The following EPB41L1 variants were observed in gnomAD, a reference collection of about 807,000 sequenced individuals.
EPB41L1 encodes erythrocyte membrane protein band 4.1 like 1.
In EPB41L1, 29 loss-of-function variants were observed where a neutral mutation model predicts 97.8. The ratio of observed to expected loss-of-function variants is 0.30; its 90% CI spans 0.22 to 0.40. The LOEUF (loss-of-function observed/expected upper bound fraction) is 0.40. EPB41L1 is among the 10% of genes least tolerant of loss of function. The pLI is 1.00. For missense variants in EPB41L1, 812 were observed against 1,162.3 expected, an observed-to-expected ratio of 0.70 and a Z score of 4.38; for synonymous variants, 383 against 459.2, an observed-to-expected ratio of 0.83 and a Z score of 2.12.
intron 11 of EPB41L1, among the ~76,000 whole-genome samples, chr20:36,193,545 C>A (rs533004327): frequency 3.4e-4 from 52 of 152,290 alleles, no homozygotes; most frequent in African/African-American, 1.2e-3. Flanking sequence ...ATGCGTGATG[C>A]GAAGTCTAGT....
intron 6 of EPB41L1, 114 bp from the exon 7 acceptor site, chr20:36,185,003 C>A: frequency 9.2e-7 from 1 of 1,081,300 alleles, no homozygotes; most frequent in Non-Finnish European, 1.4e-6. Flanking sequence ...CCAATGTCTA[C>A]AAACACACTT....
chr20:36,119,044 G>A (rs1409731899), intron 2 of EPB41L1, among the ~76,000 whole-genome samples: 1 of 152,226 alleles, frequency 6.6e-6, no homozygotes, highest in African/African-American at 2.4e-5. Context: ...CTATAACTGA[G>A]CTATCCCTGA....
At chr20:36,096,276 T>C (rs1424439678) in intron 1 of EPB41L1, among the ~76,000 whole-genome samples, 1 of 152,126 alleles carries the variant, frequency 6.6e-6, no homozygotes, top group Non-Finnish European at 1.5e-5. Context: ...AGGTAGGAAT[T>C]CTGCTTTCAA....
At position 36,226,693 on chromosome 20, in the gene EPB41L1, A is replaced by G. The variant is rs1180655601; in HGVS notation, c.2638-2639A>G. Among the ~76,000 whole-genome samples, 6 of 152,196 alleles carry G rather than the reference A, an allele frequency of 3.9e-5. No homozygotes were observed. The East Asian group carries it at 1.2e-3, about 29-fold the overall frequency. ...AAAGCTCATTATGACTACTATTACC[A>G]TTAACTTGAAATAGGCTAACAAAAT... On this transcript the variant is annotated intron_variant, in intron 21 of 21. Coordinates refer to ENST00000338074, the MANE Select transcript of EPB41L1 (RefSeq NM_012156.2).
chr20:36,217,236 T>C (rs2063500900), intron 17 of EPB41L1, among the ~76,000 whole-genome samples: 1 of 152,136 alleles, frequency 6.6e-6, no homozygotes, highest in Non-Finnish European at 1.5e-5. Context: ...AGGACACAAC[T>C]GGTTTTAAAG....
At chr20:36,217,703 G>A (rs980460420) in intron 17 of EPB41L1, among the ~76,000 whole-genome samples, 4 of 152,198 alleles carry the variant, frequency 2.6e-5, no homozygotes, top group African/African-American at 7.2e-5. Flanking sequence ...GCCTGCTGCT[G>A]GGCCACATTC....
intron 14 of EPB41L1, among the ~76,000 whole-genome samples, chr20:36,201,376 T>A (rs1186115608): frequency 2.6e-5 from 4 of 152,140 alleles, no homozygotes; most frequent in Non-Finnish European, 5.9e-5. Context: ...GGCTCTGACT[T>A]CCATGCTTAG....
intron 2 of EPB41L1, among the ~76,000 whole-genome samples, chr20:36,140,914 G>A (rs6060817): frequency 0.081 from 12,294 of 152,138 alleles, 676 homozygotes; most frequent in African/African-American, 0.15. Context: ...AGGATGTCTC[G>A]TTGCTAAGAT....
chr20:36,115,914 G>A (rs1035275762), intron 2 of EPB41L1, among the ~76,000 whole-genome samples: 3 of 152,096 alleles, frequency 2.0e-5, no homozygotes, highest in Admixed American at 6.5e-5. Context: ...AATAATAGTT[G>A]CAACAACAAC....
chr20:36,214,655 T>G (rs893003798), intron 17 of EPB41L1, among the ~76,000 whole-genome samples: 1 of 152,178 alleles, frequency 6.6e-6, no homozygotes, highest in Admixed American at 6.5e-5. Context: ...ATGTGGGCGA[T>G]GGAATCCCCA....
Position 36,206,194 on chromosome 20 carries a change from G to A in EPB41L1, c.1669-3294G>A. The A allele has an allele frequency of 7.8e-7, 1 of 1,289,882 alleles. No individual in the cohort carries two copies. The highest frequency in any genetic ancestry group is 1.2e-5 in the South Asian group (1 of 81,034). The allele number at this position is 1,289,882 out of a possible 1,614,324, so 79.9% of individuals were successfully genotyped here. On this transcript the variant is annotated intron_variant, in intron 14 of 21. Coordinates refer to ENST00000338074, the MANE Select transcript of EPB41L1 (RefSeq NM_012156.2). The surrounding 1 kb of genome is among the most constrained non-coding windows in gnomAD (Gnocchi z 5.5). ...CACATTGGCAGAAAAGCTCCTCGAG[G>A]GCTCTGAGCTCAGGGCAGACACCAG... is the stretch of plus-strand genomic sequence containing the variant.
chr20:36,160,851 T>A (rs187297888), intron 1 of EPB41L1, among the ~76,000 whole-genome samples: 17 of 152,340 alleles, frequency 1.1e-4, no homozygotes, highest in Admixed American at 2.6e-4. Flanking sequence ...TTGCAATAGG[T>A]ATGTTATACT....
At chr20:36,105,015 T>C (rs1489207778) in intron 1 of EPB41L1, among the ~76,000 whole-genome samples, 4 of 151,938 alleles carry the variant, frequency 2.6e-5, no homozygotes, top group Non-Finnish European at 4.4e-5. Context: ...GTGAGTGGGA[T>C]GTGAGTGGGC....
chr20:36,144,795 G>A (rs1283932870), intron 2 of EPB41L1, among the ~76,000 whole-genome samples: 5 of 152,166 alleles, frequency 3.3e-5, no homozygotes, highest in South Asian at 4.1e-4. Flanking sequence ...AACATTTATT[G>A]AATACTTACT....
intron 2 of EPB41L1, among the ~76,000 whole-genome samples, chr20:36,124,601 G>A (rs574474608): frequency 5.9e-5 from 9 of 152,128 alleles, no homozygotes; most frequent in African/African-American, 2.2e-4. Flanking sequence ...CCTCTACGTC[G>A]CAGTTTAATT....
intron 1 of EPB41L1, among the ~76,000 whole-genome samples, chr20:36,107,941 T>C (rs1390116019): frequency 1.3e-5 from 2 of 152,102 alleles, no homozygotes; most frequent in Non-Finnish European, 2.9e-5. Context: ...GAAGAGGATG[T>C]ATTAAAAAAT....
rs1490750378 is a variant in EPB41L1, at chr20:36,195,695, GGCCATTCTGT to G, written c.1485+334_1485+343del. 6.6e-6 allele frequency among the ~76,000 whole-genome samples: 1 copy of G among 152,020 alleles called. No individual in the cohort carries two copies. Among genetic ancestry groups the G allele is most frequent in the Non-Finnish European group, 1.5e-5 (1 of 67,986 alleles). ...CCCACCTGCACCACCAGCTCTTCCA[GGCCATTCTGT>G]GCTTTCATTTAGCACATCTCCCCTG... On this transcript the variant is annotated intron_variant, in intron 13 of 21. Coordinates refer to ENST00000338074, the MANE Select transcript of EPB41L1 (RefSeq NM_012156.2). This position sits in a 1 kb window ranked among gnomAD's most constrained non-coding sequence, Gnocchi z 4.6.
intron 2 of EPB41L1, among the ~76,000 whole-genome samples, chr20:36,133,382 G>C (rs2059294865): frequency 6.6e-6 from 1 of 152,218 alleles, no homozygotes; most frequent in African/African-American, 2.4e-5. Flanking sequence ...TCATTAACTT[G>C]CTCCCTGACC....
chr20:36,130,787 TTCTCTCTCTC>T (rs35428172), intron 2 of EPB41L1, among the ~76,000 whole-genome samples: 8 of 143,754 alleles, frequency 5.6e-5, no homozygotes, highest in South Asian at 4.5e-4. Context: ...TTTTAAAAAT[TTCTCTCTCTC>T]TCTCTCTCTC....
Sources: gnomAD v4.1 joint callset for allele counts (sites outside exome capture counted in the v4.1 genomes callset) on GRCh38, gnomAD v4.1.1 for gene constraint, Gnocchi (gnomAD v3.1) non-coding constraint, MANE v1.5 for transcripts, NCBI Gene and HGNC (gene_info 2026-07-23, HGNC 2026-07-21) for gene names.